FAM53A: variants seen among roughly 807,000 people sequenced by gnomAD.
FAM53A encodes family with sequence similarity 53 member A.
A neutral mutation model predicts 26.6 loss-of-function variants in FAM53A; 28 were observed. That is an observed-to-expected ratio of 1.05 (90% CI 0.78 to 1.45). The LOEUF is 1.45. Among genes scored for constraint, FAM53A ranks in the 40% most tolerant of loss-of-function variants. The pLI, the probability that FAM53A is intolerant of heterozygous loss-of-function variation, is 0.00. For synonymous variants in FAM53A, 290 were observed against 253.1 expected, an observed-to-expected ratio of 1.15 and a Z score of -1.38; for missense variants, 650 against 575.8, an observed-to-expected ratio of 1.13 and a Z score of -1.32.
chr4:1,657,414 G>A lies in FAM53A; in HGVS notation c.130C>T (p.Leu44Phe), dbSNP rs201842677. ...CAGCTCCTAAAGTGCTCACCGTTGA[G>A]CTCCAAAGGGAACAGACGACCGCTC... The part of the protein sequence containing the change: ...NKSGRLFPLE[L>F]NDQSPWKVFS... Residue 44 changes from leucine to phenylalanine, a missense_variant, in exon 3 of 5, where the codon CTC becomes TTC. Physicochemically the swap from Leu to Phe is conservative, Grantham distance 22 (BLOSUM62 0). Coordinates refer to ENST00000308132, the MANE Select transcript of FAM53A (RefSeq NM_001174070.3). 4.2e-5 allele frequency: 67 copies of A among 1,613,446 alleles called. 1 individual carries two copies. The Middle Eastern group carries it at 8.3e-4, about 20-fold the overall frequency.
At chr4:1,578,303 C>T in the FAM53A span, among the ~76,000 whole-genome samples, 4 of 152,348 alleles carry the variant, frequency 2.6e-5, no homozygotes, top group Middle Eastern at 3.4e-3. Flanking sequence ...TAAGCAGCCA[C>T]TGCACTAAAA....
rs925047873 is a variant in FAM53A, at chr4:1,645,987, A to C, written c.883-4380T>G. ...CCAGCCTCAGTCCTCCGCGTCCTCT[A>C]TCTCCTCCGCCAGGTGAGGACACAG... On this transcript the variant is annotated intron_variant, in intron 4 of 4. Transcript: ENST00000308132. 1.6e-4 allele frequency among the ~76,000 whole-genome samples: 24 copies of C among 152,038 alleles called. 1 individual carries two copies. The highest frequency in any genetic ancestry group is 2.0e-4 in the Admixed American group (3 of 15,270).
chr4:1,657,230 C>T (rs528443625), intron 3 of FAM53A, among the ~76,000 whole-genome samples, 178 bp downstream of exon 3: 3 of 152,360 alleles, frequency 2.0e-5, no homozygotes, highest in African/African-American at 7.2e-5. Context: ...CTCTTGACCA[C>T]GGGCCCAGCC....
chr4:1,672,480 A>C (rs1221671182), intron 1 of FAM53A, among the ~76,000 whole-genome samples: 1 of 152,350 alleles, frequency 6.6e-6, no homozygotes, highest in East Asian at 1.9e-4. Flanking sequence ...TAGTGAGTGC[A>C]GAGAGAATGA....
chr4:1,646,950 T>C (rs935961947), intron 4 of FAM53A, among the ~76,000 whole-genome samples: 3 of 152,246 alleles, frequency 2.0e-5, no homozygotes, highest in Non-Finnish European at 2.9e-5. Flanking sequence ...CACACTCTGC[T>C]GGAACCATAA....
At chr4:1,631,060 AAATT>A (rs1715591282) in intron 1 of FAM53A, among the ~76,000 whole-genome samples, 1 of 152,212 alleles carries the variant, frequency 6.6e-6, no homozygotes, top group Non-Finnish European at 1.5e-5. Flanking sequence ...ATATAATAAT[AAATT>A]AATAAATGTA....
rs149611161 is a variant in FAM53A at position 1,646,625 on chromosome 4, C to T, written c.883-5018G>A. Among the ~76,000 whole-genome samples the T allele has an allele frequency of 4.3e-3, 649 of 152,292 alleles. 7 individuals are homozygous for T. The highest frequency in any genetic ancestry group is 0.015 in the African/African-American group (624 of 41,568). On this transcript the variant is annotated intron_variant, in intron 4 of 4. Transcript: ENST00000308132. The stretch of plus-strand genomic sequence containing the variant: ...CCTTGCGCTCTCGTGACTGAGGCCG[C>T]GGAAGGCACCATCTGCTCACTAAAC...
Position 1,655,378 on chromosome 4 carries a change from C to T in FAM53A, c.482G>A (p.Arg161Gln), listed in dbSNP as rs759308454. The T allele has an allele frequency of 1.7e-5, 24 of 1,447,534 alleles. No homozygotes were observed. Among genetic ancestry groups the T allele is most frequent in the Non-Finnish European group, 2.1e-5 (23 of 1,100,782 alleles). 89.7% of individuals were successfully genotyped at this position (1,447,534 alleles called of 1,614,324 possible). A position where few individuals can be genotyped will look rare whatever the true frequency, so the allele number is the denominator to read the frequency against. ...CAGGACGGCGCCGGGGCTTCCCTGC[C>T]GCGTGGCACTCCCGCCGCTGTCGCA... ...RRCDSGGSAT[R>Q]QGSPGAVLPR... is the part of the protein sequence containing the mutation. The change falls in exon 4 of 5, where the codon CGG becomes CAG. Residue 161 changes from arginine (R) to glutamine (Q), a missense_variant. By Grantham distance (43) the Arg-to-Gln change is conservative (BLOSUM62 1). Coordinates refer to ENST00000308132, the MANE Select transcript of FAM53A (RefSeq NM_001174070.3).
chr4:1,583,434 G>A, the FAM53A span, among the ~76,000 whole-genome samples: 1 of 152,226 alleles, frequency 6.6e-6, no homozygotes, highest in Non-Finnish European at 1.5e-5. Flanking sequence ...CTTGGGGAAC[G>A]AGCCATTCAC....
chr4:1,576,099 C>T, the FAM53A span, among the ~76,000 whole-genome samples: 1 of 152,180 alleles, frequency 6.6e-6, no homozygotes, highest in African/African-American at 2.4e-5. Context: ...TGAGAGCATG[C>T]TAATATTGGC....
At chr4:1,614,761 C>G (rs901275038), downstream of FAM53A, among the ~76,000 whole-genome samples, 1 of 152,166 alleles carries the variant, frequency 6.6e-6, no homozygotes, top group African/African-American at 2.4e-5. Flanking sequence ...ATGTGTGGCC[C>G]TATTCACAGA....
rs938025300 is a variant in FAM53A, at chr4:1,659,518, G to A, written c.76-2050C>T. On this transcript the variant is annotated intron_variant, in intron 2 of 4. Coordinates refer to ENST00000308132, the MANE Select transcript of FAM53A (RefSeq NM_001174070.3). The surrounding 1 kb of genome is among the most constrained non-coding windows in gnomAD (Gnocchi z 5.2). ...GCTTGAAGGAGCCACAGGCCCGCAC[G>A]GTCCCAAATGTGACCACCTCTATGC... is the stretch of plus-strand genomic sequence containing the variant. Among the ~76,000 whole-genome samples the A allele has an allele frequency of 6.6e-6, 1 of 152,194 alleles. No homozygotes were observed. The highest frequency in any genetic ancestry group is 1.5e-5 in the Non-Finnish European group (1 of 68,034).
downstream of FAM53A, among the ~76,000 whole-genome samples, chr4:1,616,589 G>A (rs1560101654): frequency 6.6e-6 from 1 of 152,204 alleles, no homozygotes; most frequent in African/African-American, 2.4e-5. Context: ...ATGTTTAAAA[G>A]GCAAAATAGT....
At chr4:1,615,612 C>G (rs112499581), downstream of FAM53A, among the ~76,000 whole-genome samples, 2 of 150,418 alleles carry the variant, frequency 1.3e-5, no homozygotes, top group Non-Finnish European at 3.0e-5. Context: ...GATGTGGCCA[C>G]GCCCATCCCA....
chr4:1,612,616 G>A, the FAM53A span, among the ~76,000 whole-genome samples: 4 of 152,218 alleles, frequency 2.6e-5, no homozygotes, highest in African/African-American at 9.6e-5. Flanking sequence ...TACCTGCACA[G>A]ATGCATACAA....
At chr4:1,615,325 G>GCA (rs201961497), downstream of FAM53A, among the ~76,000 whole-genome samples, 21 of 47,830 alleles carry the variant, frequency 4.4e-4, no homozygotes, top group African/African-American at 1.1e-3. Flanking sequence ...CCCCACCTGG[G>GCA]CGCACACTGA....
intron 1 of FAM53A, among the ~76,000 whole-genome samples, chr4:1,632,217 G>A (rs534261706): frequency 6.6e-6 from 1 of 151,074 alleles, no homozygotes; most frequent in African/African-American, 2.4e-5. Context: ...TAAAGAGGTA[G>A]TTAGGGTTAA....
chr4:1,641,488 G>A lies in FAM53A; in HGVS notation c.1002C>T (p.Thr334=). The change falls in exon 5 of 5, where the codon ACC becomes ACT. Residue 334 remains threonine, a synonymous_variant. Coordinates refer to ENST00000308132, the MANE Select transcript of FAM53A (RefSeq NM_001174070.3). ...PCDSRGLPGI[T]MPGCSQRGLR... ...GGCCCCTCTGGCTGCAGCCAGGCAT[G>A]GTGATGCCAGGGAGGCCCCGGGAGT... The A allele has an allele frequency of 6.2e-7, 1 of 1,614,196 alleles. No homozygotes were observed. Among genetic ancestry groups the A allele is most frequent in the East Asian group, 2.2e-5 (1 of 44,888 alleles).
chr4:1,652,727 CAG>C (rs1167155047), intron 4 of FAM53A, among the ~76,000 whole-genome samples: 1 of 146,742 alleles, frequency 6.8e-6, no homozygotes, highest in East Asian at 2.0e-4. Flanking sequence ...CACACACTAC[CAG>C]AGACCACACA....
Sources: gnomAD v4.1 joint callset for allele counts (sites outside exome capture counted in the v4.1 genomes callset) on GRCh38, gnomAD v4.1.1 for gene constraint, Gnocchi (gnomAD v3.1) non-coding constraint, MANE v1.5 for transcripts, NCBI Gene and HGNC (gene_info 2026-07-23, HGNC 2026-07-21) for gene names.